The following RYR3 variants were observed in gnomAD, a reference collection of about 807,000 sequenced individuals.
The protein encoded by RYR3 is ryanodine receptor 3, also known as brain ryanodine receptor-calcium release channel.
A neutral mutation model predicts 584.3 loss-of-function variants in RYR3; 207 were observed. That is an observed-to-expected ratio of 0.35 (90% CI 0.32 to 0.40). The LOEUF (loss-of-function observed/expected upper bound fraction) is 0.40, where lower values mean the gene tolerates loss of function less well. RYR3 is among the 10% of genes least tolerant of loss of function. RYR3 has a pLI of 1.00. For missense variants in RYR3, 5,616 were observed against 6,089.2 expected (o/e 0.92, Z 2.59); for synonymous variants, 2,416 against 2,248.5 (o/e 1.07, Z -2.11).
chr15:33,823,009 A>G lies in RYR3; in HGVS notation c.11009A>G (p.Tyr3670Cys), dbSNP rs373032119. The G allele has an allele frequency of 7.4e-6, 12 of 1,613,290 alleles. No homozygotes were observed. The highest frequency in any genetic ancestry group is 1.0e-5 in the Non-Finnish European group (12 of 1,179,614). ...NAGVQQKMLD[Y>C]LKEKKDAGFF... ...TCTCCCTTGCAGAAAATGCTAGATT[A>G]CCTAAAGGAGAAAAAGGATGCTGGA... Residue 3670 changes from tyrosine (Y) to cysteine (C), a missense_variant, in exon 81 of 104, where the codon TAC (tyrosine) becomes TGC (cysteine). Around this residue, in one of 9 missense-constraint regions of RYR3, gnomAD observed 954 missense variants for 1,132.2 expected, o/e 0.84. Coordinates refer to ENST00000634891, the MANE Select transcript of RYR3 (RefSeq NM_001036.6).
intron 12 of RYR3, among the ~76,000 whole-genome samples, chr15:33,576,774 A>C (rs76486732): frequency 0.056 from 8,526 of 152,266 alleles, 356 homozygotes; most frequent in African/African-American, 0.12. Flanking sequence ...CAGGTCAATC[A>C]GGCAAGAGAA....
chr15:33,863,355 G>C (rs900523532), intron 102 of RYR3, among the ~76,000 whole-genome samples: 1 of 152,044 alleles, frequency 6.6e-6, no homozygotes, highest in African/African-American at 2.4e-5. Flanking sequence ...TGCTACTGTG[G>C]GCCAGGACCT....
intron 1 of RYR3, among the ~76,000 whole-genome samples, chr15:33,400,311 A>C (rs1446423706): frequency 6.6e-6 from 1 of 152,182 alleles, no homozygotes; most frequent in East Asian, 1.9e-4. Flanking sequence ...CCCGATTTGG[A>C]AAATAAATGG....
At chr15:33,793,839 A>G (rs2075311934) in intron 67 of RYR3, among the ~76,000 whole-genome samples, 1 of 150,188 alleles carries the variant, frequency 6.7e-6, no homozygotes. Flanking sequence ...TGTAGTTACT[A>G]TTTAAAATAA....
Position 33,662,890 on chromosome 15 carries a change from A to T in RYR3, c.5360A>T (p.Lys1787Met), listed in dbSNP as rs752833191. ...GTGGAGGCTGGGGAGAAGGCCGGCA[A>T]GGAGGCTCCTGTCAAAGGCTTGTTG... is the stretch of plus-strand genomic sequence containing the variant. Reference protein sequence around the residue: ...KAVEAGEKAGKEAPVKGLLQT... With the variant: ...KAVEAGEKAGMEAPVKGLLQT... The change falls in exon 35 of 104, where the codon AAG becomes ATG. Residue 1787 changes from lysine (K) to methionine (M), a missense_variant. Physicochemically the swap from Lys to Met is moderately conservative, Grantham distance 95. Coordinates refer to ENST00000634891, the MANE Select transcript of RYR3 (RefSeq NM_001036.6). 10 of 1,613,462 alleles carry T rather than the reference A, an allele frequency of 6.2e-6. No individual in the cohort carries two copies. The East Asian group carries it at 1.8e-4, about 29-fold the overall frequency.
chr15:33,358,915 C>T (rs914245719), intron 1 of RYR3, among the ~76,000 whole-genome samples: 36 of 152,266 alleles, frequency 2.4e-4, no homozygotes, highest in African/African-American at 8.4e-4. Context: ...CATTTTCTTT[C>T]GAACATTCTA....
chr15:33,428,965 TG>T (rs1208112101), intron 1 of RYR3, among the ~76,000 whole-genome samples: 5 of 152,182 alleles, frequency 3.3e-5, no homozygotes, highest in African/African-American at 1.2e-4. Context: ...TGTTAGAGCT[TG>T]GGAATTTCAG....
At chr15:33,613,899 C>T (rs550478311) in intron 19 of RYR3, among the ~76,000 whole-genome samples, 4 of 152,094 alleles carry the variant, frequency 2.6e-5, no homozygotes, top group Non-Finnish European at 5.9e-5. Context: ...GATTTTATAG[C>T]CATATAATAG....
At chr15:33,858,178 T>C (rs935785667) in intron 99 of RYR3, 40 of 411,554 alleles carry the variant, frequency 9.7e-5, no homozygotes, top group African/African-American at 7.7e-4. Flanking sequence ...GCGTCATCAT[T>C]CATCTATTTC....
In RYR3 at chr15:33,701,229, G is replaced by T. The variant is rs530356662; in HGVS notation, c.6483+149G>T. The T allele has an allele frequency of 1.2e-5, 7 of 590,352 alleles. No individual in the cohort carries two copies. In the African/African-American group the frequency reaches 1.3e-4, roughly 11 times the overall value. The allele number at this position is 590,352 out of a possible 1,614,324, so 36.6% of individuals were successfully genotyped here. On this transcript the variant is annotated intron_variant, in intron 42 of 103. Transcript: ENST00000634891. ...AAAGTGTGAAAGAATGTGAGTAACC[G>T]GTAGCAGCACAACGATTATGACCAA...
chr15:33,526,613 C>G (rs893254459), intron 3 of RYR3, among the ~76,000 whole-genome samples: 1 of 149,208 alleles, frequency 6.7e-6, no homozygotes. Context: ...ACAAGCTCGT[C>G]ATGGGAATGT....
intron 11 of RYR3, 37 bp from the exon 12 acceptor site, chr15:33,566,641 T>G (rs1237886744): frequency 6.2e-7 from 1 of 1,611,440 alleles, no homozygotes; most frequent in South Asian, 1.1e-5. Context: ...GTGGAATAAT[T>G]GTAACCTAGA....
chr15:33,417,661 C>G (rs544641893), intron 1 of RYR3, among the ~76,000 whole-genome samples: 1 of 151,994 alleles, frequency 6.6e-6, no homozygotes, highest in East Asian at 1.9e-4. Context: ...TTTTTCTATT[C>G]GTATGCCTTT....
rs534571834 is a variant in RYR3, at chr15:33,744,135, A to G, written c.7899+1691A>G. 1.0e-3 allele frequency among the ~76,000 whole-genome samples: 155 copies of G among 152,204 alleles called. 1 individual carries two copies. The highest frequency in any genetic ancestry group is 2.4e-3 in the Admixed American group (36 of 15,282). On this transcript the variant is annotated intron_variant, in intron 52 of 103. Coordinates refer to ENST00000634891, the MANE Select transcript of RYR3 (RefSeq NM_001036.6). The stretch of plus-strand genomic sequence containing the variant: ...CAGATACCCGCCTGTACTCACACAC[A>G]TTCTCACAGCGTTCACCAACTCATC...
chr15:33,548,023 G>T (rs2056378585), intron 8 of RYR3, 107 bp from the exon 9 acceptor site: 3 of 739,600 alleles, frequency 4.1e-6, no homozygotes, highest in Non-Finnish European at 7.1e-6. Context: ...ACTCCAAAAG[G>T]GCTTAGACAA....
intron 1 of RYR3, among the ~76,000 whole-genome samples, chr15:33,332,592 T>C (rs969172217): frequency 1.3e-5 from 2 of 152,132 alleles, no homozygotes; most frequent in Non-Finnish European, 2.9e-5. Flanking sequence ...ATCATATAAA[T>C]CTTATTCTCT....
Position 33,631,276 on chromosome 15 carries a change from G to A in RYR3, c.2850G>A (p.Lys950=), listed in dbSNP as rs757582900. 16 of 1,585,142 alleles carry A rather than the reference G, an allele frequency of 1.0e-5. No individual in the cohort carries two copies. The East Asian group carries it at 3.6e-4, about 36-fold the overall frequency. Residue 950 remains lysine, a synonymous_variant, in exon 23 of 104, where the codon AAG becomes AAA. Transcript: ENST00000634891. ...VNPAAEEDLK[K]VKLPKNYMMS... is the part of the protein sequence containing the mutation. ...CAGCTGCTGAGGAGGATCTCAAGAAGGTCAAACTGCCCAAAAAGTAGGTGA... is the reference window on the plus strand; with the variant it reads ...CAGCTGCTGAGGAGGATCTCAAGAAAGTCAAACTGCCCAAAAAGTAGGTGA...
At chr15:33,477,806 C>T (rs1408329428) in intron 2 of RYR3, among the ~76,000 whole-genome samples, 1 of 119,200 alleles carries the variant, frequency 8.4e-6, no homozygotes, top group Non-Finnish European at 1.6e-5. Context: ...ACCCGGGAGG[C>T]GGAGGTTGCA....
At chr15:33,643,797 C>T (rs1159223706) in intron 27 of RYR3, among the ~76,000 whole-genome samples, 4 of 152,008 alleles carry the variant, frequency 2.6e-5, no homozygotes, top group Admixed American at 6.6e-5. Context: ...TTATGAAATA[C>T]ATAGAGATAG....
Sources: allele counts gnomAD v4.1 joint callset (sites outside exome capture counted in the v4.1 genomes callset), GRCh38; gene constraint gnomAD v4.1.1; regional missense constraint gnomAD v4.1.1; transcripts MANE v1.5; gene names NCBI Gene and HGNC (gene_info 2026-07-23, HGNC 2026-07-21).